The following GTPBP3 variants were observed in gnomAD, a reference collection of about 807,000 sequenced individuals.
GTPBP3 encodes the protein 5-taurinomethyluridine-[tRNA] synthase subunit GTPB3, mitochondrial.
In GTPBP3, 35 loss-of-function variants were observed where a neutral mutation model predicts 42.0. The observed-to-expected ratio is 0.83, with a 90% CI of 0.64 to 1.10. The LOEUF is 1.10. GTPBP3 is among the 50% of genes least tolerant of loss of function. The probability of loss-of-function intolerance (pLI) is 0.00; values close to 1 mark genes in which losing one functional copy is unlikely to be tolerated. For missense variants in GTPBP3, 691 were observed against 685.2 expected (o/e 1.01, Z -0.09); for synonymous variants, 332 against 314.9 (o/e 1.05, Z -0.58).
At position 17,341,179 on chromosome 19, in the gene GTPBP3, C is replaced by T. The variant is rs536040222; in HGVS notation, c.1110C>T (p.Leu370=). Residue 370 remains leucine, a synonymous_variant, in exon 8 of 9, where the codon CTC becomes CTT. Transcript: ENST00000324894. ...QSPSDSSQRL[L]LVLNKSDLLS... ...CCAGTGACAGCAGCCAGCGCCTCCT[C>T]CTGGTGCTGAACAAGTCGGACCTGC... The T allele has an allele frequency of 1.6e-5, 25 of 1,612,570 alleles. No homozygotes were observed. The East Asian group carries it at 5.3e-4, about 35-fold the overall frequency.
chr19:17,341,209 C>G lies in GTPBP3; in HGVS notation c.1140C>G (p.Ser380=), dbSNP rs200990676. 6.2e-7 allele frequency: 1 copy of G among 1,609,874 alleles called. No homozygotes were observed. Among genetic ancestry groups the G allele is most frequent in the African/African-American group, 1.3e-5 (1 of 75,016 alleles). The part of the protein sequence containing the change: ...LLVLNKSDLL[S]PEGPGPGPDL... ...TGCTGAACAAGTCGGACCTGCTGTC[C>G]CCGGAGGGCCCAGGTCCCGGTCCTG... Residue 380 remains serine (S), a synonymous_variant, in exon 8 of 9, where the codon TCC becomes TCG. Transcript: ENST00000324894.
Position 17,341,618 on chromosome 19 carries a change from G to A in GTPBP3, c.1394G>A (p.Arg465Gln), listed in dbSNP as rs777162390. ...GCGGCAGAGGCGCTGCGGGTGGCCC[G>A]GGGTCACCTGACCCGGCTCACAGGT... The part of the protein sequence containing the change: ...ALAAEALRVA[R>Q]GHLTRLTGGG... Residue 465 changes from arginine to glutamine, a missense_variant, in exon 9 of 9, where the codon CGG (arginine) becomes CAG (glutamine). Coordinates refer to ENST00000324894, the MANE Select transcript of GTPBP3 (RefSeq NM_032620.4). 3.1e-6 allele frequency: 5 copies of A among 1,613,630 alleles called. No homozygotes were observed. The highest frequency in any genetic ancestry group is 2.2e-5 in the East Asian group (1 of 44,878).
chr19:17,341,255 C>T lies in GTPBP3; in HGVS notation c.1186C>T (p.Leu396=), dbSNP rs779147862. Residue 396 remains leucine (L), a synonymous_variant, in exon 8 of 9, where the codon CTG becomes TTG. Coordinates refer to ENST00000324894, the MANE Select transcript of GTPBP3 (RefSeq NM_032620.4). Reference sequence around the variant, plus strand: ...TCCTGACCTGCCCCCGCACCTGCTGCTGTCCTGTCTGACGGGAGAGGGGCT... The same window carrying T: ...TCCTGACCTGCCCCCGCACCTGCTGTTGTCCTGTCTGACGGGAGAGGGGCT... The part of the protein sequence containing the change: ...PGPDLPPHLL[L]SCLTGEGLDG... The T allele has an allele frequency of 6.2e-7, 1 of 1,606,520 alleles. No homozygotes were observed. Among genetic ancestry groups the T allele is most frequent in the Non-Finnish European group, 8.5e-7 (1 of 1,179,968 alleles).
rs781316086 is a variant in GTPBP3 at position 17,341,039 on chromosome 19, C to A, written c.975-5C>A. The A allele has an allele frequency of 1.2e-6, 2 of 1,610,478 alleles. No individual in the cohort carries two copies. Among genetic ancestry groups the A allele is most frequent in the Admixed American group, 3.3e-5 (2 of 59,852 alleles). ...ATCCCCGCTCAGTTGACCTTGCTCCCGCAGGCTAGAGCAGGCTGACCTCAT... is the reference window on the plus strand; with the variant it reads ...ATCCCCGCTCAGTTGACCTTGCTCCAGCAGGCTAGAGCAGGCTGACCTCAT... On this transcript the variant is annotated splice_polypyrimidine_tract_variant and splice_region_variant and intron_variant, in intron 7 of 8. Coordinates refer to ENST00000324894, the MANE Select transcript of GTPBP3 (RefSeq NM_032620.4).
Position 17,339,079 on chromosome 19 carries a change from G to C in GTPBP3, c.665-44G>C. 6.2e-7 allele frequency: 1 copy of C among 1,614,128 alleles called. No individual in the cohort carries two copies. The highest frequency in any genetic ancestry group is 1.3e-5 in the African/African-American group (1 of 75,046). On this transcript the variant is annotated intron_variant, in intron 5 of 8. Coordinates refer to ENST00000324894, the MANE Select transcript of GTPBP3 (RefSeq NM_032620.4). ...AGACACCTCATATCAGCCCTCAAAG[G>C]CTCCCCTCACTGTCTCTCTCTGCCT...
upstream of GTPBP3, chr19:17,335,133 T>G: frequency 6.5e-7 from 1 of 1,535,810 alleles, no homozygotes; most frequent in Non-Finnish European, 8.7e-7. Context: ...GTAAGTTGAC[T>G]AAGGGAGGAC....
rs2074390161 is a variant in GTPBP3 at position 17,338,423 on chromosome 19, A to C, written c.360A>C (p.Ala120=). Reference sequence around the variant, plus strand: ...AGTTCCACGTGCATGGAGGCCCGGCAGTGGTGAGCGGCGTCCTGCAGGCCT... The same window carrying C: ...AGTTCCACGTGCATGGAGGCCCGGCCGTGGTGAGCGGCGTCCTGCAGGCCT... ...CVEFHVHGGP[A]VVSGVLQALG... The change falls in exon 3 of 9, where the codon GCA becomes GCC. Residue 120 remains alanine, a synonymous_variant. Coordinates refer to ENST00000324894, the MANE Select transcript of GTPBP3 (RefSeq NM_032620.4). The C allele has an allele frequency of 3.1e-6, 5 of 1,614,104 alleles. No homozygotes were observed. The highest frequency in any genetic ancestry group is 3.4e-6 in the Non-Finnish European group (4 of 1,180,024).
chr19:17,336,603 C>T (rs1189553625), upstream of GTPBP3: 3 of 152,228 alleles, frequency 2.0e-5, no homozygotes, highest in Non-Finnish European at 2.9e-5. Flanking sequence ...TTTTTCTTAA[C>T]ACGCAAGTGC....
intron 7 of GTPBP3, among the ~76,000 whole-genome samples, chr19:17,340,501 C>T (rs2074418584): frequency 6.6e-6 from 1 of 151,350 alleles, no homozygotes. Context: ...GTGCTCTGTC[C>T]ACCCCCTACA....
At position 17,341,785 on chromosome 19, in the gene GTPBP3, ATTCT is replaced by A; in HGVS notation, c.*83_*86del. 8.2e-7 allele frequency: 1 copy of A among 1,216,934 alleles called. No homozygotes were observed. Among genetic ancestry groups the A allele is most frequent in the Non-Finnish European group, 1.2e-6 (1 of 869,034 alleles). 75.4% of individuals were successfully genotyped at this position (1,216,934 alleles called of 1,614,324 possible). ...CTGGAAACAGTTTAGGCCAATTGGG[ATTCT>A]CATTCGCCTGGGAAAGAACTTGATT... On this transcript the variant is annotated 3_prime_UTR_variant, in exon 9 of 9. Transcript: ENST00000324894.
In GTPBP3 at chr19:17,339,615, G is replaced by T. The variant is rs1599560536; in HGVS notation, c.974+16G>T. ...CCCGGGAGAGGTGGGCGGACAGGGT[G>T]GTGATGGGAGGGGAACGCGGGGCCC... is the stretch of plus-strand genomic sequence containing the variant. On this transcript the variant is annotated intron_variant, in intron 7 of 8. Transcript: ENST00000324894. 1 of 1,587,214 alleles carries T rather than the reference G, an allele frequency of 6.3e-7. No individual in the cohort carries two copies. Among genetic ancestry groups the T allele is most frequent in the Non-Finnish European group, 8.5e-7 (1 of 1,171,398 alleles).
chr19:17,340,801 G>GC, intron 7 of GTPBP3: 1 of 453,538 alleles, frequency 2.2e-6, no homozygotes, highest in Non-Finnish European at 3.8e-6. Flanking sequence ...CCCGCACCGT[G>GC]ACCGCTCCTC....
Position 17,341,757 on chromosome 19 carries a change from G to C in GTPBP3, c.*54G>C. The stretch of plus-strand genomic sequence containing the variant: ...GCGTGGAGACCCAGGAGCCTCGGGG[G>C]ATCTGGAAACAGTTTAGGCCAATTG... On this transcript the variant is annotated 3_prime_UTR_variant, in exon 9 of 9. Transcript: ENST00000324894. 1 of 1,458,770 alleles carries C rather than the reference G, an allele frequency of 6.9e-7. No homozygotes were observed. Among genetic ancestry groups the C allele is most frequent in the Non-Finnish European group, 9.3e-7 (1 of 1,080,686 alleles). 90.4% of individuals were successfully genotyped at this position (1,458,770 alleles called of 1,614,324 possible). A position where few individuals can be genotyped will look rare whatever the true frequency, so the allele number is the denominator to read the frequency against.
intron 1 of GTPBP3, 108 bp from the exon 2 acceptor site, chr19:17,337,900 C>T (rs1487459622): frequency 1.4e-6 from 2 of 1,435,150 alleles, no homozygotes; most frequent in Non-Finnish European, 1.9e-6. Flanking sequence ...ATCCCCCAGC[C>T]GCAGAACCCC....
chr19:17,337,854 G>C (rs1477613747), intron 1 of GTPBP3, 154 bp from the exon 2 acceptor site: 1 of 1,210,894 alleles, frequency 8.3e-7, no homozygotes, highest in Non-Finnish European at 1.1e-6. Flanking sequence ...TCCCTAATCC[G>C]GTCACCCTTC....
upstream of GTPBP3, chr19:17,337,446 G>T: frequency 8.1e-7 from 1 of 1,230,218 alleles, no homozygotes; most frequent in Non-Finnish European, 1.0e-6. Context: ...CCAGCCAATG[G>T]AAGCGAGTAT....
In GTPBP3 at chr19:17,339,187, G is replaced by A. The variant is rs1484557216; in HGVS notation, c.729G>A (p.Gly243=). The A allele has an allele frequency of 1.2e-6, 2 of 1,613,688 alleles. No individual in the cohort carries two copies. Among genetic ancestry groups the A allele is most frequent in the Non-Finnish European group, 1.7e-6 (2 of 1,180,004 alleles). The change falls in exon 6 of 9, where the codon GGG becomes GGA. Residue 243 remains glycine (G), a synonymous_variant. Coordinates refer to ENST00000324894, the MANE Select transcript of GTPBP3 (RefSeq NM_032620.4). ...LGAHLRDARR[G]QRLRSGVHVV... is the part of the protein sequence containing the mutation. Reference sequence around the variant, plus strand: ...CACATCTACGAGATGCCAGGCGCGGGCAGAGGCTCCGCTCAGGGGTGCACG... The same window carrying A: ...CACATCTACGAGATGCCAGGCGCGGACAGAGGCTCCGCTCAGGGGTGCACG...
chr19:17,341,223 G>A lies in GTPBP3; in HGVS notation c.1154G>A (p.Gly385Asp). Reference sequence around the variant, plus strand: ...GACCTGCTGTCCCCGGAGGGCCCAGGTCCCGGTCCTGACCTGCCCCCGCAC... The same window carrying A: ...GACCTGCTGTCCCCGGAGGGCCCAGATCCCGGTCCTGACCTGCCCCCGCAC... The part of the protein sequence containing the change: ...KSDLLSPEGP[G>D]PGPDLPPHLL... Residue 385 changes from glycine to aspartate, a missense_variant, in exon 8 of 9, where the codon GGT becomes GAT. Gly to Asp is a moderately conservative substitution (Grantham distance 94, BLOSUM62 -1). Transcript: ENST00000324894. 6.2e-7 allele frequency: 1 copy of A among 1,608,466 alleles called. No individual in the cohort carries two copies. Among genetic ancestry groups the A allele is most frequent in the Non-Finnish European group, 8.5e-7 (1 of 1,179,896 alleles).
intron 7 of GTPBP3, among the ~76,000 whole-genome samples, chr19:17,340,179 C>G (rs1243731917): frequency 6.6e-6 from 1 of 152,014 alleles, no homozygotes; most frequent in Middle Eastern, 3.4e-3. Context: ...GGATTAGAGG[C>G]GCCCACCACA....
Sources: gnomAD v4.1 joint callset for allele counts (sites outside exome capture counted in the v4.1 genomes callset) on GRCh38, gnomAD v4.1.1 for gene constraint, MANE v1.5 for transcripts, NCBI Gene and HGNC (gene_info 2026-07-23, HGNC 2026-07-21) for gene names.